ZPBP: variants seen among roughly 807,000 people sequenced by gnomAD.
ZPBP encodes the protein zona pellucida-binding protein 1.
A neutral mutation model predicts 44.8 loss-of-function variants in ZPBP; 26 were observed. That is an observed-to-expected ratio of 0.58 (90% CI 0.43 to 0.81). The LOEUF (loss-of-function observed/expected upper bound fraction) is 0.81, where lower values mean the gene tolerates loss of function less well. Among genes scored for constraint, ZPBP ranks in the 30% least tolerant of loss-of-function variants. The pLI, the probability that ZPBP is intolerant of heterozygous loss-of-function variation, is 0.00. For synonymous variants in ZPBP, 174 were observed against 153.2 expected (o/e 1.14, Z -1.00); for missense variants, 409 against 434.0 (o/e 0.94, Z 0.51).
At chr7:49,915,494 G>A (rs372832264) in intron 1 of ZPBP, 1 of 152,080 alleles carries the variant, frequency 6.6e-6, no homozygotes, top group Non-Finnish European at 1.5e-5. Context: ...CAACATAAAT[G>A]TTGCATTTAT....
chr7:49,913,132 G>T (rs566959025), intron 1 of ZPBP: 1 of 152,234 alleles, frequency 6.6e-6, no homozygotes, highest in Admixed American at 6.5e-5. Flanking sequence ...AATCATATTT[G>T]TCATCAGACT....
chr7:49,910,838 C>T (rs1793369981), intron 1 of ZPBP, among the ~76,000 whole-genome samples: 1 of 152,182 alleles, frequency 6.6e-6, no homozygotes, highest in Admixed American at 6.5e-5. Flanking sequence ...AAACAAGCAG[C>T]ATCCACATCA....
At chr7:50,061,017 C>G (rs1475769226) in intron 3 of ZPBP, among the ~76,000 whole-genome samples, 1 of 152,142 alleles carries the variant, frequency 6.6e-6, no homozygotes, top group East Asian at 1.9e-4. Flanking sequence ...ATACGCAAAT[C>G]AATAAATTTG....
chr7:49,985,949 T>C (rs1159480880), intron 6 of ZPBP, among the ~76,000 whole-genome samples: 1 of 152,176 alleles, frequency 6.6e-6, no homozygotes, highest in African/African-American at 2.4e-5. Flanking sequence ...AATCTGTGAG[T>C]TGGGAGCCTG....
intron 1 of ZPBP, chr7:49,920,935 G>T (rs892022492): frequency 3.3e-5 from 5 of 152,260 alleles, no homozygotes; most frequent in African/African-American, 1.2e-4. Flanking sequence ...TTACATTTAT[G>T]AATTTCTGAC....
At chr7:49,847,700 G>A (rs532946446), downstream of ZPBP, among the ~76,000 whole-genome samples, 6 of 152,246 alleles carry the variant, frequency 3.9e-5, no homozygotes, top group Admixed American at 2.0e-4. Context: ...TGGCTTCCAC[G>A]GGAAGAAGGG....
chr7:50,022,651 G>A (rs748900842), intron 5 of ZPBP, among the ~76,000 whole-genome samples: 5 of 152,070 alleles, frequency 3.3e-5, no homozygotes, highest in South Asian at 2.1e-4. Flanking sequence ...TGACATCTAC[G>A]GAACTTGTCA....
At chr7:49,924,498 T>A (rs1794153301) in intron 1 of ZPBP, among the ~76,000 whole-genome samples, 1 of 151,984 alleles carries the variant, frequency 6.6e-6, no homozygotes, top group South Asian at 2.1e-4. Context: ...AGAAAAACTA[T>A]CAATAAATAA....
At chr7:49,892,274 C>G (rs796552126) in intron 2 of ZPBP, among the ~76,000 whole-genome samples, 7 of 152,000 alleles carry the variant, frequency 4.6e-5, no homozygotes, top group African/African-American at 1.7e-4. Flanking sequence ...TCTCGATCTC[C>G]TGACCTCGTG....
intron 3 of ZPBP, among the ~76,000 whole-genome samples, chr7:50,077,650 A>G (rs1802161535): frequency 6.6e-6 from 1 of 151,932 alleles, no homozygotes; most frequent in Non-Finnish European, 1.5e-5. Flanking sequence ...ATGGTGCTCA[A>G]CATCACTAAT....
chr7:50,053,836 C>T (rs1317640602), intron 4 of ZPBP, among the ~76,000 whole-genome samples: 1 of 151,968 alleles, frequency 6.6e-6, no homozygotes, highest in Non-Finnish European at 1.5e-5. Flanking sequence ...TTAATTTATT[C>T]CTGTTTTTAA....
the ZPBP span, among the ~76,000 whole-genome samples, chr7:49,842,432 T>C: frequency 6.6e-6 from 1 of 152,196 alleles, no homozygotes; most frequent in African/African-American, 2.4e-5. Flanking sequence ...TTTACTGAAG[T>C]CAGTATAGGG....
intron 6 of ZPBP, among the ~76,000 whole-genome samples, chr7:50,006,258 C>T (rs1214868115): frequency 6.6e-6 from 1 of 151,882 alleles, no homozygotes; most frequent in African/African-American, 2.4e-5. Flanking sequence ...CTGAACAATA[C>T]CATAGATCAA....
chr7:49,865,394 C>G (rs1398109506), intron 2 of ZPBP, among the ~76,000 whole-genome samples: 1 of 152,192 alleles, frequency 6.6e-6, no homozygotes, highest in Non-Finnish European at 1.5e-5. Context: ...AACATGAGCA[C>G]TGAATCAATT....
chr7:50,010,908 C>CAAAAAAAA (rs71554292), intron 6 of ZPBP, among the ~76,000 whole-genome samples: 20 of 92,430 alleles, frequency 2.2e-4, no homozygotes, highest in African/African-American at 3.4e-4. Context: ...CAAGACCAAG[C>CAAAAAAAA]AAAAAAAAAA....
intron 6 of ZPBP, among the ~76,000 whole-genome samples, chr7:49,985,273 T>C (rs1024758583): frequency 2.6e-5 from 4 of 151,778 alleles, no homozygotes; most frequent in Non-Finnish European, 5.9e-5. Context: ...AAAAATGTTT[T>C]GGGTCTTTAT....
At chr7:49,858,175 T>C (rs1790502745) in intron 2 of ZPBP, among the ~76,000 whole-genome samples, 1 of 152,216 alleles carries the variant, frequency 6.6e-6, no homozygotes, top group South Asian at 2.1e-4. Flanking sequence ...CCTGGCTTTT[T>C]AATGATTGCC....
At chr7:49,883,956 AGGTGTGATGGT>A (rs1363595754) in intron 2 of ZPBP, among the ~76,000 whole-genome samples, 8 of 152,232 alleles carry the variant, frequency 5.3e-5, no homozygotes, top group African/African-American at 1.9e-4. Context: ...AATCCCCCTT[AGGTGTGATGGT>A]GGAGAAAGCA....
chr7:49,844,077 G>T, the ZPBP span, among the ~76,000 whole-genome samples: 1 of 152,194 alleles, frequency 6.6e-6, no homozygotes. Context: ...ACTGAGGGCA[G>T]GTTTTGCTGC....
Sources: allele counts gnomAD v4.1 joint callset (sites outside exome capture counted in the v4.1 genomes callset), GRCh38; gene constraint gnomAD v4.1.1; transcripts MANE v1.5; gene names NCBI Gene and HGNC (gene_info 2026-07-23, HGNC 2026-07-21).